SOX5: variants seen among roughly 807,000 people sequenced by gnomAD.
SOX5 encodes transcription factor SOX-5.
A neutral mutation model predicts 92.0 loss-of-function variants in SOX5; 9 were observed. That is an observed-to-expected ratio of 0.10 (90% CI 0.06 to 0.17). The LOEUF (loss-of-function observed/expected upper bound fraction) is 0.17. Among genes scored for constraint, SOX5 ranks in the 10% least tolerant of loss-of-function variants. The pLI is 1.00. For synonymous variants in SOX5, 344 were observed against 336.3 expected, an observed-to-expected ratio of 1.02 and a Z score of -0.25; for missense variants, 642 against 944.5, an observed-to-expected ratio of 0.68 and a Z score of 4.20.
chr12:24,322,928 T>G (rs7980156), intron 2 of SOX5, among the ~76,000 whole-genome samples: 71,585 of 151,850 alleles, frequency 0.47, 18,231 homozygotes, highest in Admixed American at 0.63. Flanking sequence ...AATCAAGCCT[T>G]TTTCCCAATT....
chr12:24,297,185 G>A (rs1186344666), intron 2 of SOX5, among the ~76,000 whole-genome samples: 1 of 152,152 alleles, frequency 6.6e-6, no homozygotes, highest in Non-Finnish European at 1.5e-5. Flanking sequence ...GATCCAACCT[G>A]TAATTCGGTG....
chr12:24,373,783 C>CA (rs2136286907), intron 1 of SOX5, among the ~76,000 whole-genome samples: 1 of 152,286 alleles, frequency 6.6e-6, no homozygotes, highest in African/African-American at 2.4e-5. Flanking sequence ...CCACTCGTAA[C>CA]AGATATGCTA....
chr12:24,375,594 G>C (rs986634411), intron 1 of SOX5, among the ~76,000 whole-genome samples: 1 of 151,722 alleles, frequency 6.6e-6, no homozygotes, highest in Non-Finnish European at 1.5e-5. Context: ...AAATTAGCTG[G>C]GCATGGTGGT....
chr12:24,317,736 C>T (rs968831759), intron 2 of SOX5, among the ~76,000 whole-genome samples: 5 of 152,214 alleles, frequency 3.3e-5, no homozygotes, highest in Non-Finnish European at 7.3e-5. Context: ...CTTCGTTTCC[C>T]TTCCATCTAT....
At chr12:24,285,828 T>C (rs1178308355) in intron 2 of SOX5, among the ~76,000 whole-genome samples, 2 of 152,198 alleles carry the variant, frequency 1.3e-5, no homozygotes, top group African/African-American at 2.4e-5. Context: ...GAATCAAACA[T>C]ATAGATTACA....
intron 4 of SOX5, among the ~76,000 whole-genome samples, chr12:24,206,032 A>C (rs1300880160): frequency 6.6e-6 from 1 of 152,220 alleles, no homozygotes; most frequent in Non-Finnish European, 1.5e-5. Context: ...TTGTTCACCC[A>C]AAAATGTAAT....
chr12:24,055,185 A>C (rs1407311001), intron 4 of SOX5, among the ~76,000 whole-genome samples: 2 of 152,196 alleles, frequency 1.3e-5, no homozygotes, highest in Non-Finnish European at 2.9e-5. Context: ...CCCAAGGATC[A>C]TTTAGACTTA....
chr12:23,853,319 G>A (rs975827548), intron 2 of SOX5, among the ~76,000 whole-genome samples: 1 of 151,322 alleles, frequency 6.6e-6, no homozygotes, highest in Non-Finnish European at 1.5e-5. Flanking sequence ...CCAACATTTA[G>A]TTTAAATTTA....
chr12:24,562,082 G>A (rs1433499269), intron 1 of SOX5, among the ~76,000 whole-genome samples: 1 of 152,204 alleles, frequency 6.6e-6, no homozygotes, highest in Non-Finnish European at 1.5e-5. Flanking sequence ...CGCCCCCGGG[G>A]ATGACAGGGC....
intron 1 of SOX5, among the ~76,000 whole-genome samples, chr12:23,913,735 T>A (rs1316634919): frequency 7.2e-6 from 1 of 138,926 alleles, no homozygotes; most frequent in African/African-American, 2.8e-5. Context: ...AAACTCTGTC[T>A]CAGAAGAAAA....
chr12:24,428,226 A>C (rs79183914), intron 1 of SOX5, among the ~76,000 whole-genome samples: 2 of 151,694 alleles, frequency 1.3e-5, no homozygotes, highest in Non-Finnish European at 2.9e-5. Flanking sequence ...AAAAAAAAAA[A>C]CCTGAGTTTA....
At chr12:23,804,996 T>G (rs2095743632) in intron 3 of SOX5, among the ~76,000 whole-genome samples, 1 of 131,732 alleles carries the variant, frequency 7.6e-6, no homozygotes, top group African/African-American at 2.8e-5. Flanking sequence ...AACATAAAAA[T>G]GTAACTTTCT....
At chr12:23,648,078 G>A (rs907440566) in intron 7 of SOX5, among the ~76,000 whole-genome samples, 5 of 152,130 alleles carry the variant, frequency 3.3e-5, no homozygotes, top group Non-Finnish European at 1.5e-5. Context: ...TTATGTGGGT[G>A]CAGTTTATGG....
intron 9 of SOX5, among the ~76,000 whole-genome samples, chr12:23,597,874 G>A (rs768196812): frequency 3.3e-5 from 5 of 152,188 alleles, no homozygotes; most frequent in Admixed American, 3.3e-4. Context: ...ATACTGTTAA[G>A]ATTAGAAAAT....
intron 1 of SOX5, among the ~76,000 whole-genome samples, chr12:24,472,392 T>G (rs1944911467): frequency 6.6e-6 from 1 of 152,236 alleles, no homozygotes; most frequent in Non-Finnish European, 1.5e-5. Flanking sequence ...GCAGGCCTGA[T>G]ACTCCTAATT....
chr12:23,984,009 C>T (rs1218495055), intron 4 of SOX5, among the ~76,000 whole-genome samples: 1 of 152,114 alleles, frequency 6.6e-6, no homozygotes, highest in African/African-American at 2.4e-5. Flanking sequence ...CATTATTTTC[C>T]AGCTCTGAGA....
intron 3 of SOX5, among the ~76,000 whole-genome samples, chr12:23,778,049 AT>A (rs2095163034): frequency 1.3e-5 from 2 of 152,192 alleles, no homozygotes; most frequent in Admixed American, 1.3e-4. Context: ...CAGTGGTTTG[AT>A]GGACTGATCA....
At chr12:24,419,629 G>GCTCAAGA (rs1965603722) in intron 1 of SOX5, among the ~76,000 whole-genome samples, 1 of 152,320 alleles carries the variant, frequency 6.6e-6, no homozygotes, top group Non-Finnish European at 1.5e-5. Flanking sequence ...TTCTGCTATA[G>GCTCAAGA]ATTAGATTAG....
chr12:24,418,353 G>A (rs1965377901), intron 1 of SOX5, among the ~76,000 whole-genome samples: 1 of 152,214 alleles, frequency 6.6e-6, no homozygotes, highest in South Asian at 2.1e-4. Flanking sequence ...CCAGTGATTG[G>A]TTGTAAATCC....
Sources: gnomAD v4.1 joint callset for allele counts (sites outside exome capture counted in the v4.1 genomes callset) on GRCh38, gnomAD v4.1.1 for gene constraint, MANE v1.5 for transcripts, NCBI Gene and HGNC (gene_info 2026-07-23, HGNC 2026-07-21) for gene names.